Variants in NKAIN3 observed in about 807,000 individuals in gnomAD.
NKAIN3 encodes the protein sodium/potassium transporting ATPase interacting 3, also known as sodium/potassium-transporting ATPase subunit beta-1-interacting protein 3.
A neutral mutation model predicts 30.2 loss-of-function variants in NKAIN3; 25 were observed. The ratio of observed to expected loss-of-function variants is 0.83; its 90% CI spans 0.60 to 1.16. NKAIN3 has a LOEUF of 1.16. Ranked by LOEUF, NKAIN3 falls within the 50% of genes most tolerant of loss-of-function variation. NKAIN3 has a pLI of 0.00. For synonymous variants in NKAIN3, 91 were observed against 89.6 expected, an observed-to-expected ratio of 1.02 and a Z score of -0.09; for missense variants, 225 against 254.1, an observed-to-expected ratio of 0.89 and a Z score of 0.78.
intron 4 of NKAIN3, among the ~76,000 whole-genome samples, chr8:62,894,298 T>C (rs1473423807): frequency 6.6e-6 from 1 of 152,146 alleles, no homozygotes; most frequent in African/African-American, 2.4e-5. Flanking sequence ...TGAAGCTGGG[T>C]CCATTTTCAC....
chr8:62,737,676 G>A (rs1279504550), intron 3 of NKAIN3, among the ~76,000 whole-genome samples: 4 of 152,120 alleles, frequency 2.6e-5, no homozygotes, highest in Non-Finnish European at 4.4e-5. Flanking sequence ...TGAGTGCAAT[G>A]GTTTTGGCAC....
In NKAIN3 at chr8:62,969,105, T is replaced by C. The variant is rs980043813; in HGVS notation, c.*3698T>C. On this transcript the variant is annotated 3_prime_UTR_variant, in exon 7 of 7. Transcript: ENST00000623646. ...TTCTTACCACTTCAAATCTGGGAGG[T>C]GGTTGGCTCATTTGTTTTGAAGATA... Among the ~76,000 whole-genome samples, 2 of 151,916 alleles carry C rather than the reference T, an allele frequency of 1.3e-5. No individual in the cohort carries two copies. Among genetic ancestry groups the C allele is most frequent in the Non-Finnish European group, 2.9e-5 (2 of 67,978 alleles).
chr8:62,429,337 A>T (rs1036680718), intron 1 of NKAIN3, among the ~76,000 whole-genome samples: 1 of 151,918 alleles, frequency 6.6e-6, no homozygotes, highest in Non-Finnish European at 1.5e-5. Flanking sequence ...ATTTTATCAA[A>T]TGCTCTTTCT....
chr8:62,794,585 G>A (rs895278056), intron 4 of NKAIN3, among the ~76,000 whole-genome samples: 1 of 152,150 alleles, frequency 6.6e-6, no homozygotes, highest in Non-Finnish European at 1.5e-5. Context: ...TAAGGGTAGC[G>A]AGCAGGAGAA....
chr8:62,958,519 G>A (rs1279906292), intron 6 of NKAIN3, among the ~76,000 whole-genome samples: 1 of 152,070 alleles, frequency 6.6e-6, no homozygotes, highest in East Asian at 1.9e-4. Context: ...CTTATCATCA[G>A]AACCCAGAAC....
At chr8:62,989,682 C>T (rs1421690759), downstream of NKAIN3, among the ~76,000 whole-genome samples, 1 of 152,106 alleles carries the variant, frequency 6.6e-6, no homozygotes, top group Non-Finnish European at 1.5e-5. Flanking sequence ...GAGGGAGACT[C>T]TGTCTCGAAA....
intron 1 of NKAIN3, among the ~76,000 whole-genome samples, chr8:62,497,601 C>T (rs536048379): frequency 6.6e-6 from 1 of 152,032 alleles, no homozygotes; most frequent in East Asian, 1.9e-4. Flanking sequence ...GGAGACACAC[C>T]AGAGAATTTT....
chr8:62,330,807 C>G (rs958050778), intron 1 of NKAIN3, among the ~76,000 whole-genome samples: 1 of 151,934 alleles, frequency 6.6e-6, no homozygotes, highest in Non-Finnish European at 1.5e-5. Flanking sequence ...CTAACAGTTT[C>G]ACTCCTAGCC....
intron 1 of NKAIN3, among the ~76,000 whole-genome samples, chr8:62,480,774 G>C (rs1280453052): frequency 1.3e-5 from 2 of 152,120 alleles, no homozygotes; most frequent in African/African-American, 2.4e-5. Flanking sequence ...GACTCATGAA[G>C]TCAATTGAAT....
chr8:62,349,345 G>A (rs565807269), intron 1 of NKAIN3, among the ~76,000 whole-genome samples: 3 of 152,084 alleles, frequency 2.0e-5, no homozygotes, highest in Non-Finnish European at 2.9e-5. Flanking sequence ...AATTAGAGGC[G>A]GGAATTGATT....
At chr8:62,294,684 C>T (rs904175867) in intron 1 of NKAIN3, among the ~76,000 whole-genome samples, 14 of 150,920 alleles carry the variant, frequency 9.3e-5, no homozygotes, top group Admixed American at 4.6e-4. Context: ...ACCACAAGCA[C>T]GTGTCACCAT....
At chr8:62,550,525 G>A (rs562366670) in intron 1 of NKAIN3, among the ~76,000 whole-genome samples, 17 of 152,330 alleles carry the variant, frequency 1.1e-4, no homozygotes, top group Middle Eastern at 3.4e-3. Flanking sequence ...ATTGAACTTG[G>A]AATTTGAGAC....
At chr8:62,863,861 T>C in intron 4 of NKAIN3, 5 of 1,565,016 alleles carry the variant, frequency 3.2e-6, no homozygotes, top group Non-Finnish European at 4.4e-6. Context: ...ATAGCCACCT[T>C]TGCAGTAGTC....
At chr8:62,444,044 C>T (rs1585814464) in intron 1 of NKAIN3, among the ~76,000 whole-genome samples, 1 of 152,030 alleles carries the variant, frequency 6.6e-6, no homozygotes, top group South Asian at 2.1e-4. Flanking sequence ...AATACTTGAA[C>T]CTGAGCCTAT....
chr8:62,633,979 TA>T (rs1812046357), intron 3 of NKAIN3, among the ~76,000 whole-genome samples: 1 of 152,116 alleles, frequency 6.6e-6, no homozygotes, highest in African/African-American at 2.4e-5. Context: ...TTCCTCTCTC[TA>T]AAACACAAAC....
At chr8:62,997,069 G>A (rs13282750) in intron 5 of NKAIN3, among the ~76,000 whole-genome samples, 75 of 152,260 alleles carry the variant, frequency 4.9e-4, no homozygotes, top group Admixed American at 9.8e-4. Flanking sequence ...GGGCTCCAGC[G>A]CCACACTTCC....
chr8:62,404,311 T>C (rs1346515345), intron 1 of NKAIN3, among the ~76,000 whole-genome samples: 1 of 152,174 alleles, frequency 6.6e-6, no homozygotes, highest in East Asian at 1.9e-4. Flanking sequence ...TGATTGTGTT[T>C]TGAAATGCGA....
At chr8:62,369,358 A>G (rs13251935) in intron 1 of NKAIN3, among the ~76,000 whole-genome samples, 63,826 of 151,864 alleles carry the variant, frequency 0.42, 15,674 homozygotes, top group Non-Finnish European at 0.55. Context: ...TAACAGGTTT[A>G]ATATTTGTTT....
intron 1 of NKAIN3, among the ~76,000 whole-genome samples, chr8:62,487,650 G>A (rs924284709): frequency 3.9e-5 from 6 of 152,166 alleles, no homozygotes; most frequent in Admixed American, 3.9e-4. Flanking sequence ...TATCTGCACT[G>A]TAAAATATAA....
Sources: allele counts gnomAD v4.1 joint callset (sites outside exome capture counted in the v4.1 genomes callset), GRCh38; gene constraint gnomAD v4.1.1; transcripts MANE v1.5; gene names NCBI Gene and HGNC (gene_info 2026-07-23, HGNC 2026-07-21).